ATRN: variants seen among roughly 807,000 people sequenced by gnomAD.
ATRN encodes attractin.
ATRN carries 54 observed loss-of-function variants against 178.7 expected under a neutral mutation model. The ratio of observed to expected loss-of-function variants is 0.30; its 90% CI spans 0.24 to 0.38. ATRN has a LOEUF of 0.38. Among genes scored for constraint, ATRN ranks in the 10% least tolerant of loss-of-function variants. The pLI, the probability that ATRN is intolerant of heterozygous loss-of-function variation, is 1.00. For missense variants in ATRN, 1,443 were observed against 1,815.1 expected, an observed-to-expected ratio of 0.79 and a Z score of 3.73; for synonymous variants, 636 against 663.0, an observed-to-expected ratio of 0.96 and a Z score of 0.63.
intron 1 of ATRN, among the ~76,000 whole-genome samples, chr20:3,473,507 TGA>T (rs1279756414): frequency 2.0e-5 from 3 of 151,918 alleles, no homozygotes; most frequent in Non-Finnish European, 2.9e-5. Context: ...TGGGTTGGAT[TGA>T]GAATTTTGAC....
At chr20:3,493,445 G>A (rs6139140) in intron 1 of ATRN, among the ~76,000 whole-genome samples, 2,356 of 151,788 alleles carry the variant, frequency 0.016, 114 homozygotes, top group East Asian at 0.12. Context: ...ACAGGTGTGA[G>A]TCACTGTGCC....
intron 25 of ATRN, among the ~76,000 whole-genome samples, 191 bp downstream of exon 25, chr20:3,624,763 G>A (rs2086923677): frequency 6.6e-6 from 1 of 152,228 alleles, no homozygotes; most frequent in African/African-American, 2.4e-5. Context: ...ATGACAAAGT[G>A]AAAACGTTTG....
At chr20:3,580,281 G>C (rs6051958) in intron 15 of ATRN, among the ~76,000 whole-genome samples, 1 of 152,142 alleles carries the variant, frequency 6.6e-6, no homozygotes, top group African/African-American at 2.4e-5. Context: ...GAAGTTAAAA[G>C]GGTTCAACCA....
chr20:3,624,608 G>A, intron 25 of ATRN, 36 bp downstream of exon 25: 1 of 1,514,432 alleles, frequency 6.6e-7, no homozygotes, highest in Non-Finnish European at 9.2e-7. Flanking sequence ...CTGTTCTTTT[G>A]ATTTAGGCAC....
intron 2 of ATRN, among the ~76,000 whole-genome samples, chr20:3,537,681 A>G (rs2085557633): frequency 6.8e-6 from 1 of 146,692 alleles, no homozygotes; most frequent in Admixed American, 6.8e-5. Flanking sequence ...CCCACGACAA[A>G]CCCCGGTGTG....
intron 17 of ATRN, 22 bp downstream of exon 17, chr20:3,584,105 AG>A: frequency 6.2e-7 from 1 of 1,610,630 alleles, no homozygotes; most frequent in Non-Finnish European, 8.5e-7. Flanking sequence ...AGGGAGCCCT[AG>A]GCACTTATGC....
intron 25 of ATRN, among the ~76,000 whole-genome samples, chr20:3,627,955 G>A (rs2086956526): frequency 6.6e-6 from 1 of 152,116 alleles, no homozygotes; most frequent in Non-Finnish European, 1.5e-5. Flanking sequence ...GGTGGATCAC[G>A]AGGTCAGGAG....
At chr20:3,641,817 C>T (rs756296057) in intron 27 of ATRN, among the ~76,000 whole-genome samples, 35 of 151,864 alleles carry the variant, frequency 2.3e-4, no homozygotes, top group Non-Finnish European at 4.3e-4. Context: ...ACCAGCAGAC[C>T]TGCACAAAAG....
intron 25 of ATRN, among the ~76,000 whole-genome samples, chr20:3,633,077 G>A (rs2087000890): frequency 6.6e-6 from 1 of 152,214 alleles, no homozygotes; most frequent in East Asian, 1.9e-4. Flanking sequence ...AGAGGTTGCA[G>A]TGAGCTGAGA....
chr20:3,558,034 T>C (rs1163783365), intron 6 of ATRN, among the ~76,000 whole-genome samples: 5 of 152,204 alleles, frequency 3.3e-5, no homozygotes, highest in African/African-American at 1.2e-4. Context: ...GGCTTAGAAA[T>C]TAAAACACTG....
chr20:3,486,680 C>T (rs576008949), intron 1 of ATRN, among the ~76,000 whole-genome samples: 6 of 152,292 alleles, frequency 3.9e-5, no homozygotes, highest in Admixed American at 3.3e-4. Flanking sequence ...CCACACCAAA[C>T]CATTCTGGTT....
At chr20:3,532,850 C>A (rs573497552) in intron 1 of ATRN, among the ~76,000 whole-genome samples, 39 of 152,164 alleles carry the variant, frequency 2.6e-4, no homozygotes, top group African/African-American at 8.9e-4. Context: ...GCAAGCTCTG[C>A]CTCCTGGGTT....
intron 1 of ATRN, among the ~76,000 whole-genome samples, chr20:3,481,703 C>T (rs1406646680): frequency 2.0e-5 from 3 of 150,414 alleles, no homozygotes; most frequent in Non-Finnish European, 4.4e-5. Flanking sequence ...GGGTGGACTT[C>T]AGTTCTAGCT....
At chr20:3,511,059 G>A (rs184977388) in intron 1 of ATRN, among the ~76,000 whole-genome samples, 1 of 152,262 alleles carries the variant, frequency 6.6e-6, no homozygotes, top group Admixed American at 6.5e-5. Flanking sequence ...GTTTTGAGTG[G>A]AATGGCGATG....
rs1032181685 is a variant in ATRN, at chr20:3,647,999, A to G, written c.*1152A>G. 3.3e-5 allele frequency: 5 copies of G among 152,284 alleles called. No individual in the cohort carries two copies. The highest frequency in any genetic ancestry group is 1.2e-4 in the African/African-American group (5 of 41,452). 9.4% of individuals were successfully genotyped at this position (152,284 alleles called of 1,614,324 possible). On this transcript the variant is annotated 3_prime_UTR_variant, in exon 29 of 29. Transcript: ENST00000262919. The stretch of plus-strand genomic sequence containing the variant: ...TTGAGCAGAAAAGAGCACTGAGAGC[A>G]CTTGGGACCCCTGGATCAGAGAGCA...
chr20:3,490,666 T>G, intron 1 of ATRN: 1 of 842,500 alleles, frequency 1.2e-6, no homozygotes, highest in South Asian at 1.3e-5. Flanking sequence ...ACTTGGATTC[T>G]CTGAGCCTTC....
intron 24 of ATRN, among the ~76,000 whole-genome samples, chr20:3,618,616 T>C (rs1384628583): frequency 6.6e-6 from 1 of 151,868 alleles, no homozygotes; most frequent in African/African-American, 2.4e-5. Context: ...AGGTGGGAGG[T>C]TGGGAGCAGA....
chr20:3,476,860 C>CGAGA (rs1568676310), intron 1 of ATRN, among the ~76,000 whole-genome samples: 1 of 152,062 alleles, frequency 6.6e-6, no homozygotes, highest in Non-Finnish European at 1.5e-5. Context: ...AACTCTGTCT[C>CGAGA]GAAAGAAAGA....
In ATRN at chr20:3,584,077, TG is replaced by T; in HGVS notation, c.2945del (p.Cys982SerfsTer36). On this transcript the variant is annotated frameshift_variant, in exon 17 of 29. Coordinates refer to ENST00000262919, the MANE Select transcript of ATRN (RefSeq NM_139321.3). LOFTEE classifies it high-confidence loss of function. ...TATGGAATGGTATACGATGAGCACC[TG>T]CCCCCGTAAGTGAAAAAGGGAGCCC... ...QCMEWYTMST[C>X]PPENCSGYCT... is the part of the protein sequence containing the mutation. The T allele has an allele frequency of 6.2e-7, 1 of 1,613,562 alleles. No individual in the cohort carries two copies. Among genetic ancestry groups the T allele is most frequent in the Non-Finnish European group, 8.5e-7 (1 of 1,179,572 alleles).
Sources: gnomAD v4.1 joint callset for allele counts (sites outside exome capture counted in the v4.1 genomes callset) on GRCh38, gnomAD v4.1.1 for gene constraint, MANE v1.5 for transcripts, NCBI Gene and HGNC (gene_info 2026-07-23, HGNC 2026-07-21) for gene names.